The following LITAF variants were observed in gnomAD, a reference collection of about 807,000 sequenced individuals.
LITAF encodes lipopolysaccharide induced TNF factor, also known as lipopolysaccharide-induced tumor necrosis factor-alpha factor.
A neutral mutation model predicts 14.5 loss-of-function variants in LITAF; 9 were observed. The observed-to-expected ratio is 0.62, with a 90% CI of 0.37 to 1.08. The LOEUF (loss-of-function observed/expected upper bound fraction) is 1.08. Ranked by LOEUF, LITAF falls within the 50% of genes least tolerant of loss-of-function variation. The pLI, the probability that LITAF is intolerant of heterozygous loss-of-function variation, is 0.01. For missense variants in LITAF, 206 were observed against 213.4 expected (o/e 0.97, Z 0.22); for synonymous variants, 98 against 88.2 (o/e 1.11, Z -0.62).
At chr16:11,619,646 A>G (rs1009637516) in intron 3 of LITAF, among the ~76,000 whole-genome samples, 1 of 151,034 alleles carries the variant, frequency 6.6e-6, no homozygotes, top group Non-Finnish European at 1.5e-5. Context: ...AGCTCACTGC[A>G]GTGTTGACTT....
intron 1 of LITAF, among the ~76,000 whole-genome samples, chr16:11,581,671 T>TG (rs1419003708): frequency 6.6e-6 from 1 of 151,960 alleles, no homozygotes; most frequent in Non-Finnish European, 1.5e-5. Context: ...AAAGACTAAG[T>TG]GGGGGGTAAA....
At chr16:11,597,342 G>C (rs1035162996) in intron 1 of LITAF, among the ~76,000 whole-genome samples, 4 of 152,128 alleles carry the variant, frequency 2.6e-5, no homozygotes, top group Admixed American at 6.5e-5. Flanking sequence ...CAACCCACTG[G>C]GGGTGTGGGG....
upstream of LITAF, among the ~76,000 whole-genome samples, chr16:11,638,004 CTATATATATCTA>C (rs1482614363): frequency 6.2e-5 from 3 of 48,442 alleles, 1 homozygote; most frequent in Non-Finnish European, 1.0e-4. Context: ...CTATATATAT[CTATATATATCTA>C]TATATATCTA....
intron 3 of LITAF, chr16:11,551,779 C>T (rs1374105303): frequency 2.9e-6 from 2 of 681,330 alleles, no homozygotes; most frequent in Non-Finnish European, 5.3e-6. Context: ...CTGCGGAGAG[C>T]TACGATCGTA....
intron 1 of LITAF, among the ~76,000 whole-genome samples, chr16:11,565,244 G>A (rs1169345559): frequency 2.0e-5 from 3 of 151,640 alleles, no homozygotes; most frequent in Non-Finnish European, 2.9e-5. Flanking sequence ...CACCACACCC[G>A]GCTAATTTTT....
In LITAF at chr16:11,632,949, G is replaced by A. The variant is rs1597378357; in HGVS notation, c.85+584C>T. Reference sequence around the variant, plus strand: ...GCCCGGGGCTGGGAGGGCTGAGCTGGCAGCCACTCCAGAGATTTGCTGTCT... The same window carrying A: ...GCCCGGGGCTGGGAGGGCTGAGCTGACAGCCACTCCAGAGATTTGCTGTCT... On this transcript the variant is annotated intron_variant, in intron 3 of 3. Coordinates refer to the LITAF transcript ENST00000574848. The surrounding 1 kb of genome is among the most constrained non-coding windows in gnomAD (Gnocchi z 4.8). Among the ~76,000 whole-genome samples, 1 of 152,204 alleles carries A rather than the reference G, an allele frequency of 6.6e-6. No individual in the cohort carries two copies. The highest frequency in any genetic ancestry group is 2.1e-4 in the South Asian group (1 of 4,834).
chr16:11,639,043 T>A (rs1048587230), upstream of LITAF, among the ~76,000 whole-genome samples: 2 of 152,036 alleles, frequency 1.3e-5, no homozygotes, highest in Non-Finnish European at 2.9e-5. Flanking sequence ...CATGGGTGAA[T>A]GGTTAGGTAG....
intron 1 of LITAF, among the ~76,000 whole-genome samples, chr16:11,593,452 A>G (rs1256857228): frequency 2.6e-5 from 4 of 152,102 alleles, no homozygotes; most frequent in South Asian, 2.1e-4. Flanking sequence ...GAGAACATAA[A>G]ATGCTATAGC....
At chr16:11,602,863 A>G (rs2064935941), upstream of LITAF, among the ~76,000 whole-genome samples, 1 of 151,830 alleles carries the variant, frequency 6.6e-6, no homozygotes, top group Non-Finnish European at 1.5e-5. Context: ...ATAATCTCAG[A>G]GCTTTGAGAG....
upstream of LITAF, among the ~76,000 whole-genome samples, chr16:11,591,029 G>C (rs555453851): frequency 8.5e-6 from 1 of 117,654 alleles, no homozygotes; most frequent in Non-Finnish European, 1.7e-5. Context: ...CACCGTGCCC[G>C]GCCCAGGTCC....
At chr16:11,622,063 G>A (rs2065054166) in intron 3 of LITAF, among the ~76,000 whole-genome samples, 3 of 152,298 alleles carry the variant, frequency 2.0e-5, no homozygotes, top group South Asian at 2.1e-4. Context: ...TCCAGCCCTT[G>A]GCCTTCCCAG....
chr16:11,618,068 G>C (rs1156681480), intron 3 of LITAF, among the ~76,000 whole-genome samples: 1 of 152,058 alleles, frequency 6.6e-6, no homozygotes, highest in African/African-American at 2.4e-5. Context: ...AAGAGATGGG[G>C]TCTCACTATG....
At chr16:11,579,916 T>C (rs2064707057) in intron 1 of LITAF, among the ~76,000 whole-genome samples, 1 of 152,186 alleles carries the variant, frequency 6.6e-6, no homozygotes, top group Admixed American at 6.5e-5. Context: ...TTGGCATATA[T>C]TGAGCTGATT....
chr16:11,556,839 A>T (rs1467600679), intron 1 of LITAF, 104 bp from the exon 2 acceptor site: 1 of 995,818 alleles, frequency 1.0e-6, no homozygotes, highest in Non-Finnish European at 1.6e-6. Context: ...AAATTCTGAG[A>T]AAATGACTTC....
chr16:11,619,013 A>AC (rs201825637), intron 3 of LITAF, among the ~76,000 whole-genome samples: 6 of 148,104 alleles, frequency 4.1e-5, no homozygotes, highest in South Asian at 4.2e-4. Context: ...AAACAAACAA[A>AC]AAAAACCCCA....
At chr16:11,625,573 T>G (rs943756897) in intron 3 of LITAF, among the ~76,000 whole-genome samples, 4 of 152,090 alleles carry the variant, frequency 2.6e-5, no homozygotes, top group Non-Finnish European at 5.9e-5. Flanking sequence ...CCAGATAAAT[T>G]ACTTGCACCC....
chr16:11,630,732 C>A (rs1451965278), intron 3 of LITAF, among the ~76,000 whole-genome samples: 1 of 152,058 alleles, frequency 6.6e-6, no homozygotes, highest in African/African-American at 2.4e-5. Context: ...GCACCCACCA[C>A]CACGTCCAGA....
intron 1 of LITAF, among the ~76,000 whole-genome samples, chr16:11,593,018 A>T (rs1360192428): frequency 6.6e-6 from 1 of 152,084 alleles, no homozygotes. Flanking sequence ...AAAATACAAA[A>T]AAATTAGCCG....
At chr16:11,637,524 G>A (rs1033161167), upstream of LITAF, among the ~76,000 whole-genome samples, 5 of 152,238 alleles carry the variant, frequency 3.3e-5, no homozygotes, top group African/African-American at 1.2e-4. Context: ...GCCGTGAGGA[G>A]CAAATGAAAC....
Sources: allele counts gnomAD v4.1 joint callset (sites outside exome capture counted in the v4.1 genomes callset), GRCh38; gene constraint gnomAD v4.1.1; non-coding constraint Gnocchi (gnomAD v3.1); transcripts MANE v1.5; gene names NCBI Gene and HGNC (gene_info 2026-07-23, HGNC 2026-07-21).